The following ANKS1B variants were observed in gnomAD, a reference collection of about 807,000 sequenced individuals.
The protein encoded by ANKS1B is ankyrin repeat and sterile alpha motif domain-containing protein 1B.
In ANKS1B, 36 loss-of-function variants were observed where a neutral mutation model predicts 148.3. The ratio of observed to expected loss-of-function variants is 0.24; its 90% confidence interval spans 0.19 to 0.32. The LOEUF is 0.32. Ranked by LOEUF, ANKS1B falls within the 10% of genes least tolerant of loss-of-function variation. The pLI is 1.00. For synonymous variants in ANKS1B, 542 were observed against 560.8 expected, an observed-to-expected ratio of 0.97 and a Z score of 0.47; for missense variants, 1,157 against 1,542.6, an observed-to-expected ratio of 0.75 and a Z score of 4.19.
At chr12:99,610,378 C>G (rs2097891326) in intron 9 of ANKS1B, among the ~76,000 whole-genome samples, 1 of 152,114 alleles carries the variant, frequency 6.6e-6, no homozygotes, top group Non-Finnish European at 1.5e-5. Flanking sequence ...GGCAAGACCC[C>G]TTCTGAAATG....
chr12:99,223,986 C>T (rs994594180), intron 14 of ANKS1B, among the ~76,000 whole-genome samples: 3 of 152,002 alleles, frequency 2.0e-5, no homozygotes, highest in Non-Finnish European at 4.4e-5. Flanking sequence ...GAAAACTCTG[C>T]TGTATTAATT....
intron 18 of ANKS1B, among the ~76,000 whole-genome samples, chr12:98,830,510 G>GA (rs1368554047): frequency 6.6e-6 from 1 of 152,120 alleles, no homozygotes; most frequent in Non-Finnish European, 1.5e-5. Flanking sequence ...CTCCAAAGCT[G>GA]AATCAACTCC....
intron 11 of ANKS1B, among the ~76,000 whole-genome samples, chr12:99,434,832 C>G (rs948015635): frequency 6.6e-6 from 1 of 151,984 alleles, no homozygotes; most frequent in African/African-American, 2.4e-5. Context: ...CTGAGCCAAA[C>G]AATGACACCC....
chr12:99,291,073 A>G, intron 12 of ANKS1B, among the ~76,000 whole-genome samples: 1 of 152,192 alleles, frequency 6.6e-6, no homozygotes, highest in East Asian at 1.9e-4. Flanking sequence ...ACATACAATA[A>G]TCAATAGCAT....
rs959774313 is a variant in ANKS1B at position 99,055,929 on chromosome 12, G to A, written c.2626-2620C>T. 7.9e-5 allele frequency among the ~76,000 whole-genome samples: 12 copies of A among 152,140 alleles called. No individual in the cohort carries two copies. The East Asian group carries it at 1.9e-3, about 24-fold the overall frequency. On this transcript the variant is annotated intron_variant, in intron 16 of 26. Coordinates refer to ENST00000683438, the MANE Select transcript of ANKS1B (RefSeq NM_001352186.2). The stretch of plus-strand genomic sequence containing the variant: ...AGCAACCATCATATCAGGATTGCAC[G>A]GAATGCAGGCTGTTCAGTGGTCTGA...
intron 17 of ANKS1B, among the ~76,000 whole-genome samples, chr12:98,845,571 G>T (rs1053690227): frequency 2.0e-5 from 3 of 152,142 alleles, no homozygotes; most frequent in African/African-American, 7.2e-5. Flanking sequence ...ACCTAGTGCA[G>T]AAATGATTCT....
chr12:99,718,425 T>C (rs1244244049), intron 8 of ANKS1B, among the ~76,000 whole-genome samples: 1 of 152,120 alleles, frequency 6.6e-6, no homozygotes, highest in African/African-American at 2.4e-5. Context: ...CCTTGGCGAC[T>C]GATCATGCAC....
At chr12:99,832,246 T>C (rs1442888850) in intron 1 of ANKS1B, among the ~76,000 whole-genome samples, 4 of 152,186 alleles carry the variant, frequency 2.6e-5, no homozygotes, top group African/African-American at 9.7e-5. Flanking sequence ...AAAATATTCA[T>C]ATGAAGACTG....
intron 17 of ANKS1B, among the ~76,000 whole-genome samples, chr12:98,890,590 T>C (rs1281767484): frequency 1.3e-5 from 2 of 152,228 alleles, no homozygotes; most frequent in African/African-American, 2.4e-5. Flanking sequence ...GAGACTTTTA[T>C]GAACGTTACA....
intron 8 of ANKS1B, among the ~76,000 whole-genome samples, chr12:99,663,140 G>T (rs1263249787): frequency 6.6e-6 from 1 of 152,086 alleles, no homozygotes; most frequent in East Asian, 1.9e-4. Flanking sequence ...GCACTAAGAA[G>T]AAAACGTGAG....
chr12:99,193,779 A>T (rs1470847892), intron 14 of ANKS1B, among the ~76,000 whole-genome samples: 6 of 118,616 alleles, frequency 5.1e-5, no homozygotes, highest in Non-Finnish European at 1.1e-4. Context: ...CAGATTTTCC[A>T]TGTATTTCTA....
At chr12:99,528,741 G>A (rs921295612) in intron 9 of ANKS1B, among the ~76,000 whole-genome samples, 1 of 151,730 alleles carries the variant, frequency 6.6e-6, no homozygotes, top group African/African-American at 2.4e-5. Flanking sequence ...AAATGTGCAA[G>A]TACTGATATG....
chr12:99,129,902 A>G (rs1005507404), intron 15 of ANKS1B, among the ~76,000 whole-genome samples: 3 of 152,252 alleles, frequency 2.0e-5, no homozygotes, highest in African/African-American at 7.2e-5. Flanking sequence ...TTTTAAACTT[A>G]TCAGTGCACA....
At chr12:98,918,101 C>T (rs2099796803) in intron 17 of ANKS1B, among the ~76,000 whole-genome samples, 2 of 152,224 alleles carry the variant, frequency 1.3e-5, no homozygotes, top group Middle Eastern at 3.2e-3. Context: ...CCTACCATGT[C>T]AATAGTTCCT....
chr12:99,001,347 T>G (rs1748722266), intron 17 of ANKS1B, among the ~76,000 whole-genome samples: 1 of 152,112 alleles, frequency 6.6e-6, no homozygotes, highest in South Asian at 2.1e-4. Context: ...CAGGATGATC[T>G]CAAACTCTTA....
chr12:99,603,428 T>G (rs2097823075), intron 9 of ANKS1B, among the ~76,000 whole-genome samples: 1 of 152,072 alleles, frequency 6.6e-6, no homozygotes, highest in African/African-American at 2.4e-5. Context: ...CATGTGAACT[T>G]TGTTCAAGAA....
At chr12:99,392,762 C>T (rs1283125512) in intron 12 of ANKS1B, among the ~76,000 whole-genome samples, 1 of 152,122 alleles carries the variant, frequency 6.6e-6, no homozygotes, top group Admixed American at 6.5e-5. Context: ...GGCTGAGATG[C>T]TATTTTTCGG....
intron 9 of ANKS1B, among the ~76,000 whole-genome samples, chr12:99,651,121 C>T (rs974048388): frequency 6.6e-6 from 1 of 152,032 alleles, no homozygotes; most frequent in Admixed American, 6.5e-5. Flanking sequence ...GTACAGATCC[C>T]AAAGGCCCCT....
chr12:98,816,051 G>A (rs570772539), intron 19 of ANKS1B, among the ~76,000 whole-genome samples: 4 of 152,070 alleles, frequency 2.6e-5, no homozygotes, highest in South Asian at 2.1e-4. Flanking sequence ...ACCCATCTTC[G>A]TCTTGCTGTC....
Sources: allele counts gnomAD v4.1 joint callset (sites outside exome capture counted in the v4.1 genomes callset), GRCh38; gene constraint gnomAD v4.1.1; transcripts MANE v1.5; gene names NCBI Gene and HGNC (gene_info 2026-07-23, HGNC 2026-07-21).